TUSC3: variants seen among roughly 807,000 people sequenced by gnomAD.
The protein encoded by TUSC3 is tumor suppressor candidate 3.
TUSC3 carries 45 observed loss-of-function variants against 44.8 expected under a neutral mutation model. That is an observed-to-expected ratio of 1.00 (90% CI 0.79 to 1.29). The LOEUF (loss-of-function observed/expected upper bound fraction) is 1.29. Ranked by LOEUF, TUSC3 falls within the 50% of genes most tolerant of loss-of-function variation. The probability of loss-of-function intolerance (pLI) is 0.00; values close to 1 mark genes in which losing one functional copy is unlikely to be tolerated. For synonymous variants in TUSC3, 212 were observed against 152.9 expected (o/e 1.39, Z -2.85); for missense variants, 519 against 437.9 (o/e 1.19, Z -1.65).
the TUSC3 span, among the ~76,000 whole-genome samples, chr8:15,784,517 C>CATAT: frequency 2.1e-5 from 3 of 143,350 alleles, no homozygotes; most frequent in Admixed American, 7.0e-5. Context: ...TGTGTGTGTG[C>CATAT]ATATATATAT....
In TUSC3 at chr8:15,649,691, C is replaced by G. The variant is rs142582856; in HGVS notation, c.309-1006C>G. ...TCTGAATCTAATGTTTTTCTAGCTT[C>G]TTATTGCACTGCAATCTCCTTTGAG... On this transcript the variant is annotated intron_variant, in intron 2 of 10. Coordinates refer to ENST00000503731, the MANE Select transcript of TUSC3 (RefSeq NM_006765.4). Among the ~76,000 whole-genome samples, 70 of 151,864 alleles carry G rather than the reference C, an allele frequency of 4.6e-4. 2 individuals are homozygous for G. The East Asian group carries it at 0.013, about 28-fold the overall frequency.
chr8:15,835,240 G>C, the TUSC3 span, among the ~76,000 whole-genome samples: 1 of 152,048 alleles, frequency 6.6e-6, no homozygotes, highest in African/African-American at 2.4e-5. Context: ...TTTACGTAGA[G>C]TTGAAAAAGT....
At chr8:15,709,565 C>G (rs1286749904) in intron 6 of TUSC3, among the ~76,000 whole-genome samples, 1 of 151,768 alleles carries the variant, frequency 6.6e-6, no homozygotes, top group Non-Finnish European at 1.5e-5. Context: ...TTTATATACT[C>G]CATATCTAAG....
intron 5 of TUSC3, among the ~76,000 whole-genome samples, chr8:15,668,471 T>C (rs1807779923): frequency 6.6e-6 from 1 of 151,722 alleles, no homozygotes; most frequent in Non-Finnish European, 1.5e-5. Context: ...AAGAACCATG[T>C]GGAGATACAA....
At position 15,458,648 on chromosome 8, in the gene TUSC3, C is replaced by G. The variant is rs142340673; in HGVS notation, n.92-24738C>G. Among the ~76,000 whole-genome samples, 3 of 152,336 alleles carry G rather than the reference C, an allele frequency of 2.0e-5. No individual in the cohort carries two copies. In the East Asian group the frequency reaches 5.8e-4, roughly 29 times the overall value. On this transcript the variant is annotated intron_variant and non_coding_transcript_variant, in intron 1 of 5. Coordinates refer to the TUSC3 transcript ENST00000503191. Reference sequence around the variant, plus strand: ...ATTAAGATGAATCTATAATCTGATTCTTCCACCTGAGATCCAATTTTAAAA... The same window carrying G: ...ATTAAGATGAATCTATAATCTGATTGTTCCACCTGAGATCCAATTTTAAAA...
At chr8:15,684,118 G>T (rs545255303) in intron 6 of TUSC3, among the ~76,000 whole-genome samples, 1 of 151,984 alleles carries the variant, frequency 6.6e-6, no homozygotes, top group Non-Finnish European at 1.5e-5. Flanking sequence ...GAAGGCGGGG[G>T]CCATATATGA....
the TUSC3 span, among the ~76,000 whole-genome samples, chr8:15,794,067 C>T: frequency 6.6e-6 from 1 of 152,120 alleles, no homozygotes; most frequent in Non-Finnish European, 1.5e-5. Context: ...TGCTTTTCTC[C>T]CTCTGATGGA....
At chr8:15,848,260 G>A in the TUSC3 span, among the ~76,000 whole-genome samples, 1 of 152,160 alleles carries the variant, frequency 6.6e-6, no homozygotes, top group African/African-American at 2.4e-5. Context: ...GGTGGCCTTG[G>A]ACTGATCCAG....
intron 2 of TUSC3, among the ~76,000 whole-genome samples, chr8:15,519,072 C>G (rs1034441542): frequency 6.6e-6 from 1 of 152,112 alleles, no homozygotes; most frequent in Non-Finnish European, 1.5e-5. Flanking sequence ...GATTTTGGCT[C>G]ATTGATTTGG....
At chr8:15,632,484 C>A (rs1174538397) in intron 2 of TUSC3, among the ~76,000 whole-genome samples, 1 of 152,092 alleles carries the variant, frequency 6.6e-6, no homozygotes, top group Non-Finnish European at 1.5e-5. Context: ...CAGATCTCTC[C>A]ATTGTACAGG....
intron 1 of TUSC3, among the ~76,000 whole-genome samples, chr8:15,429,271 G>C (rs1585784652): frequency 6.6e-6 from 1 of 152,154 alleles, no homozygotes; most frequent in East Asian, 1.9e-4. Context: ...TCAAAGATCA[G>C]ATAGTTGCAG....
the TUSC3 span, among the ~76,000 whole-genome samples, chr8:15,807,747 C>T: frequency 1.3e-5 from 2 of 152,126 alleles, no homozygotes; most frequent in African/African-American, 4.8e-5. Flanking sequence ...TTATCCCAAA[C>T]AAATTAACAC....
chr8:15,609,597 C>G (rs772844773), intron 1 of TUSC3, among the ~76,000 whole-genome samples: 1 of 151,964 alleles, frequency 6.6e-6, no homozygotes, highest in Admixed American at 6.6e-5. Context: ...GCTCATTTGA[C>G]CCATTTGATG....
intron 1 of TUSC3, among the ~76,000 whole-genome samples, chr8:15,569,382 G>C (rs553753778): frequency 1.3e-5 from 2 of 152,242 alleles, no homozygotes; most frequent in South Asian, 2.1e-4. Flanking sequence ...GTGATAATCA[G>C]AGAGTTTCCT....
chr8:15,570,755 G>A (rs949795442), intron 1 of TUSC3, among the ~76,000 whole-genome samples: 14 of 151,902 alleles, frequency 9.2e-5, no homozygotes, highest in Non-Finnish European at 1.6e-4. Context: ...GTATTCAAAT[G>A]CAGAACTGAC....
intron 1 of TUSC3, among the ~76,000 whole-genome samples, chr8:15,600,907 A>T (rs1188498010): frequency 1.3e-5 from 2 of 151,696 alleles, no homozygotes; most frequent in Non-Finnish European, 3.0e-5. Flanking sequence ...ATTGCATAAT[A>T]ATAATTGTAC....
the TUSC3 span, among the ~76,000 whole-genome samples, chr8:15,809,587 A>T: frequency 6.6e-6 from 1 of 152,222 alleles, no homozygotes; most frequent in Non-Finnish European, 1.5e-5. Context: ...TAGTTTATCA[A>T]TTAGGCACAG....
chr8:15,740,425 C>A (rs1040919518), intron 7 of TUSC3, among the ~76,000 whole-genome samples: 5 of 151,610 alleles, frequency 3.3e-5, no homozygotes, highest in South Asian at 2.1e-4. Flanking sequence ...AAAGGAGAAT[C>A]TGAACGCAAT....
chr8:15,689,578 C>A (rs953165614), intron 6 of TUSC3: 1 of 160,222 alleles, frequency 6.2e-6, no homozygotes, highest in Non-Finnish European at 1.4e-5. Context: ...AATTTAACGA[C>A]ACAGACACCA....
Sources: allele counts gnomAD v4.1 joint callset (sites outside exome capture counted in the v4.1 genomes callset), GRCh38; gene constraint gnomAD v4.1.1; transcripts MANE v1.5; gene names NCBI Gene and HGNC (gene_info 2026-07-23, HGNC 2026-07-21).